Variants in GALNTL6 observed in about 807,000 individuals in gnomAD.
The protein encoded by GALNTL6 is polypeptide N-acetylgalactosaminyltransferase like 6, also known as polypeptide N-acetylgalactosaminyltransferase-like 6.
GALNTL6 carries 46 observed loss-of-function variants against 73.7 expected under a neutral mutation model. The observed-to-expected ratio is 0.62, with a 90% CI of 0.49 to 0.80. GALNTL6 has a LOEUF of 0.80. Ranked by LOEUF, GALNTL6 falls within the 30% of genes least tolerant of loss-of-function variation. GALNTL6 has a pLI of 0.00. For missense variants in GALNTL6, 604 were observed against 755.0 expected (o/e 0.80, Z 2.34); for synonymous variants, 259 against 263.7 (o/e 0.98, Z 0.17).
At chr4:172,059,383 G>A (rs759917479) in intron 2 of GALNTL6, among the ~76,000 whole-genome samples, 1 of 152,108 alleles carries the variant, frequency 6.6e-6, no homozygotes, top group Non-Finnish European at 1.5e-5. Context: ...ATCTGCCGAG[G>A]GCTATGTGCT....
intron 5 of GALNTL6, among the ~76,000 whole-genome samples, chr4:172,803,503 G>A (rs1447886029): frequency 6.6e-6 from 1 of 152,158 alleles, no homozygotes; most frequent in African/African-American, 2.4e-5. Flanking sequence ...GTGCCAAAAA[G>A]TTTGGGGACC....
At chr4:172,871,224 G>A (rs986697640) in intron 7 of GALNTL6, among the ~76,000 whole-genome samples, 1 of 152,142 alleles carries the variant, frequency 6.6e-6, no homozygotes, top group Admixed American at 6.5e-5. Flanking sequence ...TTCCTCTGGA[G>A]ATAATAAAGA....
chr4:172,560,193 G>A (rs1208874248), intron 5 of GALNTL6, among the ~76,000 whole-genome samples: 1 of 152,134 alleles, frequency 6.6e-6, no homozygotes, highest in Non-Finnish European at 1.5e-5. Context: ...GCAGAAGTGA[G>A]GTGGCCAAGC....
At chr4:172,126,602 A>C (rs1733302050) in intron 2 of GALNTL6, among the ~76,000 whole-genome samples, 2 of 152,162 alleles carry the variant, frequency 1.3e-5, no homozygotes, top group South Asian at 4.1e-4. Flanking sequence ...CCAGTGGTTC[A>C]CATTCCCACC....
chr4:173,024,029 C>T (rs971161555), intron 12 of GALNTL6, among the ~76,000 whole-genome samples: 18 of 152,230 alleles, frequency 1.2e-4, no homozygotes, highest in Middle Eastern at 3.4e-3. Context: ...TAGCATGACA[C>T]ACCAACCACT....
At chr4:172,551,767 A>G (rs1427738909) in intron 5 of GALNTL6, among the ~76,000 whole-genome samples, 1 of 152,128 alleles carries the variant, frequency 6.6e-6, no homozygotes, top group Non-Finnish European at 1.5e-5. Context: ...TTCTTTTAAC[A>G]TTGTAATAAA....
chr4:172,375,648 G>A (rs1743000568), intron 5 of GALNTL6, among the ~76,000 whole-genome samples: 2 of 152,154 alleles, frequency 1.3e-5, no homozygotes, highest in African/African-American at 2.4e-5. Context: ...TGCACTCACT[G>A]ACGCAGCAGC....
intron 2 of GALNTL6, among the ~76,000 whole-genome samples, chr4:172,174,272 A>G (rs1482817435): frequency 6.6e-6 from 1 of 152,212 alleles, no homozygotes; most frequent in East Asian, 1.9e-4. Flanking sequence ...TGTGAGGTGA[A>G]AAAAAGAAGT....
intron 2 of GALNTL6, among the ~76,000 whole-genome samples, chr4:171,840,888 A>G (rs1735224216): frequency 6.6e-6 from 1 of 152,148 alleles, no homozygotes; most frequent in Non-Finnish European, 1.5e-5. Flanking sequence ...GGACATGCTT[A>G]TGTAGAAAAT....
intron 3 of GALNTL6, among the ~76,000 whole-genome samples, chr4:172,290,580 G>C (rs930359091): frequency 6.6e-6 from 1 of 151,846 alleles, no homozygotes; most frequent in Non-Finnish European, 1.5e-5. Flanking sequence ...TCTTTCCTTT[G>C]AAAATATTGA....
At chr4:172,523,280 T>C (rs929415598) in intron 5 of GALNTL6, among the ~76,000 whole-genome samples, 7 of 152,200 alleles carry the variant, frequency 4.6e-5, no homozygotes. Flanking sequence ...GTGTTTTAAA[T>C]GACACCACTC....
intron 5 of GALNTL6, among the ~76,000 whole-genome samples, chr4:172,498,295 A>G (rs1218556820): frequency 6.6e-6 from 1 of 152,082 alleles, no homozygotes; most frequent in Non-Finnish European, 1.5e-5. Context: ...GCTGAATGTC[A>G]CATTTCATTC....
At chr4:172,331,740 A>G (rs1741133135) in intron 4 of GALNTL6, among the ~76,000 whole-genome samples, 1 of 152,148 alleles carries the variant, frequency 6.6e-6, no homozygotes. Context: ...GTAGCATTTT[A>G]TTTATGTATA....
chr4:172,446,777 T>A (rs1732037374), intron 5 of GALNTL6, among the ~76,000 whole-genome samples: 1 of 152,178 alleles, frequency 6.6e-6, no homozygotes, highest in Non-Finnish European at 1.5e-5. Flanking sequence ...GCCTTCATCA[T>A]GTCCCCTTGA....
intron 2 of GALNTL6, among the ~76,000 whole-genome samples, chr4:172,218,593 G>A (rs1323459038): frequency 6.6e-6 from 1 of 152,004 alleles, no homozygotes; most frequent in Non-Finnish European, 1.5e-5. Flanking sequence ...CTAAAATTCT[G>A]AGCAGTGGTT....
In GALNTL6 at chr4:171,814,394, T is replaced by G; in HGVS notation, c.-169-18T>G. 1.6e-6 allele frequency: 1 copy of G among 609,494 alleles called. No individual in the cohort carries two copies. The highest frequency in any genetic ancestry group is 2.9e-6 in the Non-Finnish European group (1 of 347,086). 37.8% of individuals were successfully genotyped at this position (609,494 alleles called of 1,614,324 possible). ...CATAGTTTTCTGGGGGGAAAGTAAC[T>G]GTGCGTTTGTTCTGCAGATGGCCAA... On this transcript the variant is annotated intron_variant, in intron 1 of 12. Transcript: ENST00000506823.
At chr4:172,948,759 G>A (rs949475091) in intron 9 of GALNTL6, among the ~76,000 whole-genome samples, 4 of 151,876 alleles carry the variant, frequency 2.6e-5, no homozygotes, top group African/African-American at 9.7e-5. Context: ...CATGAGCCAC[G>A]GCACCTGGCC....
intron 5 of GALNTL6, among the ~76,000 whole-genome samples, chr4:172,399,168 A>G (rs921109550): frequency 1.6e-4 from 25 of 152,312 alleles, no homozygotes; most frequent in Middle Eastern, 3.4e-3. Context: ...TGAAATAGTT[A>G]TATCATCATA....
At chr4:172,887,615 G>A (rs960867260) in intron 8 of GALNTL6, among the ~76,000 whole-genome samples, 9 of 151,124 alleles carry the variant, frequency 6.0e-5, no homozygotes, top group Non-Finnish European at 1.2e-4. Flanking sequence ...CCAGGCTGGA[G>A]TGCTGTGGTG....
Sources: gnomAD v4.1 joint callset for allele counts (sites outside exome capture counted in the v4.1 genomes callset) on GRCh38, gnomAD v4.1.1 for gene constraint, MANE v1.5 for transcripts, NCBI Gene and HGNC (gene_info 2026-07-23, HGNC 2026-07-21) for gene names.